EPHA6: variants seen among roughly 807,000 people sequenced by gnomAD.
The protein encoded by EPHA6 is EPH receptor A6, also known as ephrin type-A receptor 6.
A neutral mutation model predicts 112.0 loss-of-function variants in EPHA6; 50 were observed. The ratio of observed to expected loss-of-function variants is 0.45; its 90% CI spans 0.36 to 0.56. The LOEUF is 0.56. Ranked by LOEUF, EPHA6 falls within the 20% of genes least tolerant of loss-of-function variation. The pLI, the probability that EPHA6 is intolerant of heterozygous loss-of-function variation, is 0.00. For missense variants in EPHA6, 1,280 were observed against 1,417.4 expected, an observed-to-expected ratio of 0.90 and a Z score of 1.56; for synonymous variants, 529 against 490.7, an observed-to-expected ratio of 1.08 and a Z score of -1.03.
At position 97,672,757 on chromosome 3, in the gene EPHA6, GATTTTATTGTTACC is replaced by G. The variant is rs374490589; in HGVS notation, c.2784+34681_2784+34694del. 3.6e-3 allele frequency among the ~76,000 whole-genome samples: 541 copies of G among 152,206 alleles called. 3 individuals carry two copies. Among genetic ancestry groups the G allele is most frequent in the African/African-American group, 0.012 (494 of 41,560 alleles). Reference sequence around the variant, plus strand: ...GTTCTTCTTAAACGCTCTTGAGATGGATTTTATTGTTACCATTTTGCATAAATGACTACTCACAA... The same window carrying G: ...GTTCTTCTTAAACGCTCTTGAGATGGATTTTGCATAAATGACTACTCACAA... On this transcript the variant is annotated intron_variant, in intron 14 of 17. Transcript: ENST00000389672.
intron 14 of EPHA6, among the ~76,000 whole-genome samples, chr3:97,697,656 G>T (rs973550920): frequency 6.6e-6 from 1 of 152,164 alleles, no homozygotes. Context: ...TGATGAAGGT[G>T]GCATCAAACT....
chr3:97,571,331 A>G (rs944787533), intron 11 of EPHA6, among the ~76,000 whole-genome samples: 1 of 151,950 alleles, frequency 6.6e-6, no homozygotes, highest in African/African-American at 2.4e-5. Flanking sequence ...AAAAAAGACT[A>G]TAGGGGTTGA....
At chr3:97,370,957 C>G (rs557299151) in intron 5 of EPHA6, among the ~76,000 whole-genome samples, 1 of 152,110 alleles carries the variant, frequency 6.6e-6, no homozygotes, top group South Asian at 2.1e-4. Flanking sequence ...TATCAATCTT[C>G]TGACTTATTT....
chr3:96,977,635 A>C (rs558482700), intron 2 of EPHA6, among the ~76,000 whole-genome samples: 1 of 152,226 alleles, frequency 6.6e-6, no homozygotes, highest in South Asian at 2.1e-4. Context: ...TAATACTTGA[A>C]ATTATAACTA....
chr3:97,736,795 A>C (rs1205598755), intron 16 of EPHA6, among the ~76,000 whole-genome samples: 1 of 152,032 alleles, frequency 6.6e-6, no homozygotes, highest in Non-Finnish European at 1.5e-5. Context: ...AAAAAAAAAG[A>C]CTATCATCTA....
At chr3:97,287,480 A>C (rs1279702505) in intron 5 of EPHA6, among the ~76,000 whole-genome samples, 6 of 151,226 alleles carry the variant, frequency 4.0e-5, no homozygotes, top group African/African-American at 1.2e-4. Flanking sequence ...CAAAAAAAAA[A>C]CAAACAAAAC....
chr3:97,570,766 A>G (rs560961675), intron 11 of EPHA6, among the ~76,000 whole-genome samples: 10 of 152,120 alleles, frequency 6.6e-5, no homozygotes, highest in Non-Finnish European at 1.5e-4. Flanking sequence ...TTAAATGTTA[A>G]ACCATGACAT....
At chr3:97,453,171 G>C (rs942413449) in intron 7 of EPHA6, among the ~76,000 whole-genome samples, 3 of 151,624 alleles carry the variant, frequency 2.0e-5, no homozygotes, top group African/African-American at 7.3e-5. Flanking sequence ...TATTCTGCTA[G>C]ATTGTAGCCA....
At chr3:96,827,620 G>A (rs1407202744) in intron 1 of EPHA6, among the ~76,000 whole-genome samples, 1 of 152,022 alleles carries the variant, frequency 6.6e-6, no homozygotes, top group Non-Finnish European at 1.5e-5. Context: ...CCACTTTTAT[G>A]AATTTAAATT....
chr3:97,133,750 T>A (rs1029103445), intron 3 of EPHA6, among the ~76,000 whole-genome samples: 1 of 151,976 alleles, frequency 6.6e-6, no homozygotes, highest in Non-Finnish European at 1.5e-5. Flanking sequence ...ATTGATATGT[T>A]AACAGTACAA....
chr3:96,913,466 C>T (rs2039334339), intron 2 of EPHA6, among the ~76,000 whole-genome samples: 1 of 151,998 alleles, frequency 6.6e-6, no homozygotes, highest in Non-Finnish European at 1.5e-5. Flanking sequence ...CTTCATCTTA[C>T]TTTGTGTTAT....
intron 2 of EPHA6, among the ~76,000 whole-genome samples, chr3:96,928,685 C>T (rs964369988): frequency 9.2e-5 from 14 of 152,064 alleles, no homozygotes; most frequent in Non-Finnish European, 1.9e-4. Flanking sequence ...TTAATTTCCT[C>T]TCTTGATGAC....
chr3:97,064,810 T>C (rs1375332908), intron 3 of EPHA6, among the ~76,000 whole-genome samples: 2 of 152,146 alleles, frequency 1.3e-5, no homozygotes, highest in Non-Finnish European at 2.9e-5. Context: ...TTTCTCACAA[T>C]TGCTGCCTCT....
chr3:97,080,126 T>G (rs1251254995), intron 3 of EPHA6, among the ~76,000 whole-genome samples: 1 of 152,116 alleles, frequency 6.6e-6, no homozygotes, highest in Non-Finnish European at 1.5e-5. Flanking sequence ...TACCAATGCT[T>G]CTTATATACT....
intron 3 of EPHA6, among the ~76,000 whole-genome samples, chr3:97,168,346 A>G (rs1017098127): frequency 1.3e-5 from 2 of 151,860 alleles, no homozygotes; most frequent in African/African-American, 2.4e-5. Flanking sequence ...GTAATTCCCA[A>G]TTTTGGAGGT....
intron 3 of EPHA6, among the ~76,000 whole-genome samples, chr3:97,012,685 C>T (rs2856466): frequency 0.055 from 8,067 of 147,930 alleles, 276 homozygotes; most frequent in Middle Eastern, 0.12. Context: ...GTCTCAAACT[C>T]CTGGGCTTAA....
In EPHA6 at chr3:97,261,933, A is replaced by G. The variant is rs1226684488; in HGVS notation, c.1606+17646A>G. On this transcript the variant is annotated intron_variant, in intron 5 of 17. Transcript: ENST00000389672. ...ATTTATAAGCAAGAAATCTGGGTCC[A>G]AAGAGTGAGCTCTTAACCATTAGGA... is the stretch of plus-strand genomic sequence containing the variant. 2.0e-5 allele frequency among the ~76,000 whole-genome samples: 3 copies of G among 152,310 alleles called. No homozygotes were observed. The East Asian group carries it at 5.8e-4, about 29-fold the overall frequency.
chr3:96,987,534 T>C lies in EPHA6; in HGVS notation c.655T>C (p.Phe219Leu), dbSNP rs1277377105. 7.4e-6 allele frequency: 12 copies of C among 1,613,780 alleles called. No individual in the cohort carries two copies. The Admixed American group carries it at 1.8e-4, about 25-fold the overall frequency. The change falls in exon 3 of 18, where the codon TTT becomes CTT. Residue 219 changes from phenylalanine (F) to leucine (L), a missense_variant. Transcript: ENST00000389672. ...GGTCTTGGGGACTTGCAAAGAAACATTTAATCTGTTTTATATGGAATCAGA... is the reference window on the plus strand; with the variant it reads ...GGTCTTGGGGACTTGCAAAGAAACACTTAATCTGTTTTATATGGAATCAGA... ...PWVLGTCKET[F>L]NLFYMESDES... is the part of the protein sequence containing the mutation.
chr3:97,009,769 C>T (rs1186668069), intron 3 of EPHA6, among the ~76,000 whole-genome samples: 2 of 152,176 alleles, frequency 1.3e-5, no homozygotes, highest in Non-Finnish European at 2.9e-5. Context: ...TTGCACAGTT[C>T]CACAGAAAAA....
Sources: gnomAD v4.1 joint callset for allele counts (sites outside exome capture counted in the v4.1 genomes callset) on GRCh38, gnomAD v4.1.1 for gene constraint, MANE v1.5 for transcripts, NCBI Gene and HGNC (gene_info 2026-07-23, HGNC 2026-07-21) for gene names.